KANSL1: variants seen among roughly 807,000 people sequenced by gnomAD.
KANSL1 encodes the protein MLL1/MLL complex subunit KANSL1.
A neutral mutation model predicts 103.6 loss-of-function variants in KANSL1; 22 were observed. The ratio of observed to expected loss-of-function variants is 0.21; its 90% CI spans 0.15 to 0.30. KANSL1 has a LOEUF of 0.30. Among genes scored for constraint, KANSL1 ranks in the 10% least tolerant of loss-of-function variants. KANSL1 has a pLI of 1.00. For synonymous variants in KANSL1, 600 were observed against 527.6 expected (o/e 1.14, Z -1.88); for missense variants, 1,337 against 1,399.8 (o/e 0.96, Z 0.72).
At chr17:46,053,737 G>C (rs1598490326) in intron 6 of KANSL1, among the ~76,000 whole-genome samples, 1 of 152,122 alleles carries the variant, frequency 6.6e-6, no homozygotes, top group Non-Finnish European at 1.5e-5. Context: ...CCCGGCCAAA[G>C]ATATATTTAA....
chr17:46,067,069 T>G (rs1035396911), intron 5 of KANSL1, among the ~76,000 whole-genome samples: 2 of 152,146 alleles, frequency 1.3e-5, no homozygotes, highest in Non-Finnish European at 2.9e-5. Flanking sequence ...GGTTAGAAAA[T>G]GATGAATTTT....
chr17:46,136,219 A>T (rs1308334131), intron 2 of KANSL1, among the ~76,000 whole-genome samples: 1 of 152,192 alleles, frequency 6.6e-6, no homozygotes, highest in African/African-American at 2.4e-5. Context: ...AAAGACCTTA[A>T]TTTTAAAATG....
chr17:46,194,351 C>G (rs1402584590), upstream of KANSL1, among the ~76,000 whole-genome samples: 2 of 152,268 alleles, frequency 1.3e-5, no homozygotes, highest in Non-Finnish European at 1.5e-5. Context: ...TAAAGAAACA[C>G]AAGTCTCACA....
chr17:46,193,497 T>G (rs1394256680), upstream of KANSL1: 2 of 148,730 alleles, frequency 1.3e-5, no homozygotes, highest in African/African-American at 4.9e-5. Context: ...CTCCGCCGGC[T>G]GCGGCTGCGG....
intron 1 of KANSL1, among the ~76,000 whole-genome samples, chr17:46,180,940 T>G (rs1256523458): frequency 6.6e-6 from 1 of 151,806 alleles, no homozygotes; most frequent in Non-Finnish European, 1.5e-5. Flanking sequence ...TAAATGGGAG[T>G]GAAACATCAG....
At chr17:46,104,350 CCA>C (rs2042441551) in intron 2 of KANSL1, among the ~76,000 whole-genome samples, 1 of 152,136 alleles carries the variant, frequency 6.6e-6, no homozygotes, top group Admixed American at 6.6e-5. Flanking sequence ...ACACTAAAAC[CCA>C]CGTCTCTCCA....
At chr17:46,059,055 A>T (rs1285554781) in intron 6 of KANSL1, among the ~76,000 whole-genome samples, 1 of 148,606 alleles carries the variant, frequency 6.7e-6, no homozygotes, top group East Asian at 1.9e-4. Context: ...TCGGAAAAAA[A>T]AAAAAAGAAA....
At chr17:46,176,563 C>G (rs1230948561) in intron 1 of KANSL1, among the ~76,000 whole-genome samples, 1 of 152,064 alleles carries the variant, frequency 6.6e-6, no homozygotes, top group African/African-American at 2.4e-5. Flanking sequence ...TGGCGGCGAG[C>G]GCCTGTAATC....
chr17:46,171,953 C>T lies in KANSL1; in HGVS notation c.191G>A (p.Arg64Gln), dbSNP rs752415137. Residue 64 changes from arginine to glutamine, a missense_variant, in exon 2 of 15, where the codon CGA becomes CAA. By Grantham distance (43) the Arg-to-Gln change is conservative. Coordinates refer to ENST00000432791, the MANE Select transcript of KANSL1 (RefSeq NM_015443.4). ...CAAGTCTTCCTTGGTAGGATTATTT[C>T]GGAAATCTAGGCTGGGATCCTCTGC... ...IAAEDPSLDFRNNPTKEDLGK... is the reference protein window; with the variant it reads ...IAAEDPSLDFQNNPTKEDLGK... The T allele has an allele frequency of 2.7e-5, 43 of 1,614,164 alleles. No individual in the cohort carries two copies. Among genetic ancestry groups the T allele is most frequent in the Middle Eastern group, 1.6e-4 (1 of 6,084 alleles).
chr17:46,059,342 G>C (rs1307786449), intron 6 of KANSL1, among the ~76,000 whole-genome samples: 2 of 152,024 alleles, frequency 1.3e-5, no homozygotes, highest in Non-Finnish European at 2.9e-5. Flanking sequence ...AAGGAGGCTG[G>C]GCACAGTGGC....
At chr17:46,062,987 T>C (rs754816042) in intron 6 of KANSL1, among the ~76,000 whole-genome samples, 8 of 151,670 alleles carry the variant, frequency 5.3e-5, no homozygotes, top group South Asian at 2.1e-4. Flanking sequence ...GAGGAGGAGG[T>C]TGCAGTGAGC....
intron 7 of KANSL1, chr17:46,042,736 C>T (rs1180584217): frequency 6.7e-6 from 1 of 148,228 alleles, no homozygotes; most frequent in Non-Finnish European, 1.5e-5. Flanking sequence ...GTTATGCCTT[C>T]GAGGACTGAA....
chr17:46,168,491 G>C (rs2046120144), intron 2 of KANSL1, among the ~76,000 whole-genome samples: 1 of 152,168 alleles, frequency 6.6e-6, no homozygotes, highest in Non-Finnish European at 1.5e-5. Context: ...GGATGTAGAG[G>C]CGTGTGCCAC....
rs35833914 is a variant in KANSL1, at chr17:46,033,175, G to C, written c.2742C>G (p.Asp914Glu). The change falls in exon 13 of 15, where the codon GAC (aspartate) becomes GAG (glutamate). Residue 914 changes from aspartate (D) to glutamate (E), a missense_variant. By Grantham distance (45) the Asp-to-Glu change is conservative. Around this residue, in one of 2 missense-constraint regions of KANSL1, gnomAD observed 780 missense variants for 923.4 expected, o/e 0.84. Transcript: ENST00000432791. Reference sequence around the variant, plus strand: ...TGGCATGCAGGGCGGCGAAGGCTGCGTCGGATAGGTCCTCAATCTGCAATA... The same window carrying C: ...TGGCATGCAGGGCGGCGAAGGCTGCCTCGGATAGGTCCTCAATCTGCAATA... ...EENEEIEDLS[D>E]AAFAALHAKC... is the part of the protein sequence containing the mutation. The C allele has an allele frequency of 6.2e-7, 1 of 1,600,428 alleles. No homozygotes were observed. The highest frequency in any genetic ancestry group is 8.5e-7 in the Non-Finnish European group (1 of 1,172,504).
intron 13 of KANSL1, chr17:46,032,554 G>A: frequency 2.4e-6 from 1 of 422,580 alleles, no homozygotes; most frequent in African/African-American, 2.0e-5. Flanking sequence ...AATTCAGGAG[G>A]TTAGGGAGAT....
chr17:46,132,826 C>T (rs2043931791), intron 2 of KANSL1, among the ~76,000 whole-genome samples: 1 of 152,174 alleles, frequency 6.6e-6, no homozygotes, highest in African/African-American at 2.4e-5. Flanking sequence ...GCCTATAGTC[C>T]TAGCTGCTCG....
At chr17:46,204,757 A>G (rs1465869604) in intron 1 of KANSL1, among the ~76,000 whole-genome samples, 6 of 152,260 alleles carry the variant, frequency 3.9e-5, no homozygotes, top group African/African-American at 1.4e-4. Flanking sequence ...ATTGCTAAGT[A>G]TGACTTAATC....
chr17:46,038,944 G>C, intron 9 of KANSL1, 83 bp downstream of exon 9: 2 of 1,493,212 alleles, frequency 1.3e-6, no homozygotes, highest in Non-Finnish European at 1.8e-6. Context: ...CAAAGCTGGG[G>C]GTAATTAAGA....
intron 10 of KANSL1, chr17:46,035,222 C>T (rs748949624): frequency 3.9e-5 from 6 of 152,440 alleles, no homozygotes; most frequent in Non-Finnish European, 4.4e-5. Context: ...ATAACAAACA[C>T]GCTGCCATGG....
Sources: gnomAD v4.1 joint callset for allele counts (sites outside exome capture counted in the v4.1 genomes callset) on GRCh38, gnomAD v4.1.1 for gene constraint, gnomAD v4.1.1 regional missense constraint, MANE v1.5 for transcripts, NCBI Gene and HGNC (gene_info 2026-07-23, HGNC 2026-07-21) for gene names.